C16orf89: variants seen among roughly 807,000 people sequenced by gnomAD.
C16orf89 encodes the protein UPF0764 protein C16orf89.
In C16orf89, 57 loss-of-function variants were observed where a neutral mutation model predicts 41.5. That is an observed-to-expected ratio of 1.38 (90% CI 1.11 to 1.71). The LOEUF (loss-of-function observed/expected upper bound fraction) is 1.71, where lower values mean the gene tolerates loss of function less well. C16orf89 is among the 40% of genes most tolerant of loss of function. The probability of loss-of-function intolerance (pLI) is 0.00; values close to 1 mark genes in which losing one functional copy is unlikely to be tolerated. For missense variants in C16orf89, 575 were observed against 445.9 expected, an observed-to-expected ratio of 1.29 and a Z score of -2.61; for synonymous variants, 223 against 190.6, an observed-to-expected ratio of 1.17 and a Z score of -1.40.
chr16:5,046,483 C>CT (rs200626181), intron 7 of C16orf89, among the ~76,000 whole-genome samples: 15,819 of 151,888 alleles, frequency 0.1, 962 homozygotes, highest in Non-Finnish European at 0.13. Flanking sequence ...TTCCAGGTAG[C>CT]GGGATTACAG....
chr16:5,050,248 A>T (rs1956372806), intron 6 of C16orf89, among the ~76,000 whole-genome samples: 1 of 152,058 alleles, frequency 6.6e-6, no homozygotes, highest in Non-Finnish European at 1.5e-5. Context: ...GGCGCCTGTA[A>T]TTCCAGCTAC....
chr16:5,044,210 A>G lies in C16orf89; in HGVS notation c.*138T>C. ...TGGCCTTGCCTACTCAGGGCTTCCA[A>G]GATTGGGTGTCGGGGTGGCTTTGCT... On this transcript the variant is annotated 3_prime_UTR_variant, in exon 8 of 8. Coordinates refer to ENST00000472572, the MANE Select transcript of C16orf89 (RefSeq NM_001098514.3). 1.4e-6 allele frequency: 2 copies of G among 1,412,252 alleles called. No homozygotes were observed. The highest frequency in any genetic ancestry group is 1.8e-6 in the Non-Finnish European group (2 of 1,088,336). The allele number at this position is 1,412,252 out of a possible 1,614,324, so 87.5% of individuals were successfully genotyped here. A position where few individuals can be genotyped will look rare whatever the true frequency, so the allele number is the denominator to read the frequency against.
At chr16:5,065,661 G>C in intron 1 of C16orf89, 40 bp downstream of exon 1, 1 of 1,570,364 alleles carries the variant, frequency 6.4e-7, no homozygotes, top group Non-Finnish European at 8.7e-7. Flanking sequence ...CTGAGAGCTA[G>C]CTTCCCAGTG....
intron 7 of C16orf89, among the ~76,000 whole-genome samples, chr16:5,045,221 C>T (rs1956273520): frequency 6.6e-6 from 1 of 152,192 alleles, no homozygotes; most frequent in Non-Finnish European, 1.5e-5. Context: ...GTAAGACCTT[C>T]TGAGATGGGG....
chr16:5,055,820 G>A (rs1018491143), intron 5 of C16orf89: 1 of 1,390,904 alleles, frequency 7.2e-7, no homozygotes, highest in African/African-American at 1.4e-5. Flanking sequence ...ATTTTTGAGT[G>A]TAAGTATATC....
intron 1 of C16orf89, among the ~76,000 whole-genome samples, chr16:5,063,146 G>T (rs375044833): frequency 3.3e-5 from 5 of 152,136 alleles, no homozygotes; most frequent in African/African-American, 1.2e-4. Flanking sequence ...AAATTGGGGA[G>T]ACATGAGTGA....
intron 5 of C16orf89, 95 bp from the exon 6 acceptor site, chr16:5,055,445 G>T: frequency 8.3e-7 from 1 of 1,199,498 alleles, no homozygotes; most frequent in Non-Finnish European, 1.2e-6. Flanking sequence ...GCCTTCATCT[G>T]CCTGGGTTAG....
At chr16:5,050,649 T>C (rs1308832885) in intron 6 of C16orf89, among the ~76,000 whole-genome samples, 1 of 152,094 alleles carries the variant, frequency 6.6e-6, no homozygotes, top group Non-Finnish European at 1.5e-5. Flanking sequence ...AGTTCAGCAT[T>C]ACCCCAATAC....
chr16:5,062,656 C>T (rs1956652803), intron 1 of C16orf89, 82 bp from the exon 2 acceptor site: 1 of 1,413,986 alleles, frequency 7.1e-7, no homozygotes, highest in Non-Finnish European at 9.6e-7. Flanking sequence ...AAAAATGCCC[C>T]AAAGTCTAAT....
intron 7 of C16orf89, among the ~76,000 whole-genome samples, chr16:5,045,213 A>G (rs940708102): frequency 6.6e-6 from 1 of 152,156 alleles, no homozygotes; most frequent in Non-Finnish European, 1.5e-5. Context: ...GGTCCTGTGT[A>G]AGACCTTCTG....
intron 4 of C16orf89, among the ~76,000 whole-genome samples, 163 bp downstream of exon 4, chr16:5,058,330 A>G (rs923138411): frequency 7.9e-5 from 12 of 151,684 alleles, no homozygotes; most frequent in South Asian, 2.1e-4. Context: ...AATGGGTTTC[A>G]CCATGTTGGC....
intron 1 of C16orf89, 34 bp from the exon 2 acceptor site, chr16:5,062,608 T>C: frequency 6.5e-7 from 1 of 1,537,268 alleles, no homozygotes; most frequent in South Asian, 1.2e-5. Context: ...ATTCAACTAT[T>C]TGGAATCGGG....
intron 1 of C16orf89, among the ~76,000 whole-genome samples, chr16:5,063,593 G>A (rs1956672377): frequency 6.6e-6 from 1 of 152,132 alleles, no homozygotes; most frequent in South Asian, 2.1e-4. Context: ...CCTGAGCTCC[G>A]CCTGCTGTCA....
chr16:5,049,276 C>G (rs917800926), intron 6 of C16orf89, among the ~76,000 whole-genome samples: 7 of 152,210 alleles, frequency 4.6e-5, no homozygotes, highest in African/African-American at 1.2e-4. Context: ...ACACCTTGCT[C>G]TCAGCATTGG....
intron 2 of C16orf89, among the ~76,000 whole-genome samples, chr16:5,061,263 A>AT (rs1336493221): frequency 9.4e-5 from 9 of 95,344 alleles, no homozygotes; most frequent in Non-Finnish European, 1.3e-4. Flanking sequence ...CTCCATCTCA[A>AT]GAAAAAAAAA....
At chr16:5,053,781 A>C (rs1300757083) in intron 6 of C16orf89, among the ~76,000 whole-genome samples, 1 of 152,192 alleles carries the variant, frequency 6.6e-6, no homozygotes, top group African/African-American at 2.4e-5. Flanking sequence ...TCCTGAGCTC[A>C]AGCCATCTGC....
At chr16:5,052,590 A>G (rs1371029086) in intron 6 of C16orf89, among the ~76,000 whole-genome samples, 2 of 116,466 alleles carry the variant, frequency 1.7e-5, no homozygotes, top group East Asian at 4.5e-4. Context: ...GACCCTGTCT[A>G]AAAAGAAAGA....
In C16orf89 at chr16:5,048,658, CAAT is replaced by C. The variant is rs144649911; in HGVS notation, c.869-697_869-695del. Among the ~76,000 whole-genome samples, 1,440 of 151,734 alleles carry C rather than the reference CAAT, an allele frequency of 9.5e-3. 24 individuals are homozygous for C. Among genetic ancestry groups the C allele is most frequent in the African/African-American group, 0.033 (1,375 of 41,358 alleles). Reference sequence around the variant, plus strand: ...AATCCTACATCTGAAAAGAAAAAGACAATAATAACTATCATGAAAACATGAAAA... The same window carrying C: ...AATCCTACATCTGAAAAGAAAAAGACAATAACTATCATGAAAACATGAAAA... On this transcript the variant is annotated intron_variant, in intron 6 of 7. Transcript: ENST00000472572.
chr16:5,054,808 T>G (rs566257091), intron 6 of C16orf89, among the ~76,000 whole-genome samples: 13 of 152,326 alleles, frequency 8.5e-5, no homozygotes, highest in African/African-American at 3.1e-4. Context: ...ATAAGGGGTT[T>G]CCCTTTGTGC....
Sources: allele counts gnomAD v4.1 joint callset (sites outside exome capture counted in the v4.1 genomes callset), GRCh38; gene constraint gnomAD v4.1.1; transcripts MANE v1.5; gene names NCBI Gene and HGNC (gene_info 2026-07-23, HGNC 2026-07-21).